The following PLET1 variants were observed in gnomAD, a reference collection of about 807,000 sequenced individuals.
PLET1 encodes the protein placenta expressed transcript 1.
A neutral mutation model predicts 18.5 loss-of-function variants in PLET1; 20 were observed. The observed-to-expected ratio is 1.08, with a 90% CI of 0.76 to 1.57. The LOEUF (loss-of-function observed/expected upper bound fraction) is 1.57. PLET1 is among the 40% of genes most tolerant of loss of function. PLET1 has a pLI of 0.00. For missense variants in PLET1, 256 were observed against 246.4 expected, an observed-to-expected ratio of 1.04 and a Z score of -0.26; for synonymous variants, 93 against 93.8, an observed-to-expected ratio of 0.99 and a Z score of 0.05.
At chr11:112,252,600 A>G (rs1860167669) in intron 2 of PLET1, among the ~76,000 whole-genome samples, 191 bp from the exon 3 acceptor site, 1 of 152,164 alleles carries the variant, frequency 6.6e-6, no homozygotes, top group African/African-American at 2.4e-5. Context: ...GTCAACTTCC[A>G]CACAGCCTCT....
chr11:112,254,776 CGCATCG>C (rs1860199686), intron 2 of PLET1, among the ~76,000 whole-genome samples: 1 of 129,598 alleles, frequency 7.7e-6, no homozygotes, highest in Admixed American at 7.8e-5. Context: ...GCGTGTGGTA[CGCATCG>C]TGTGTGTGTG....
intron 1 of PLET1, among the ~76,000 whole-genome samples, chr11:112,257,989 T>G (rs1380896093): frequency 1.3e-5 from 2 of 152,350 alleles, no homozygotes; most frequent in African/African-American, 4.8e-5. Flanking sequence ...ACCCTTGACT[T>G]AAATCATTTG....
At chr11:112,254,810 GGT>G (rs1566829098) in intron 2 of PLET1, among the ~76,000 whole-genome samples, 11 of 134,820 alleles carry the variant, frequency 8.2e-5, no homozygotes, top group African/African-American at 2.8e-4. Flanking sequence ...GTGCATGTGT[GGT>G]GTGTGTGGCA....
intron 1 of PLET1, among the ~76,000 whole-genome samples, chr11:112,257,761 G>A (rs1225960043): frequency 3.3e-5 from 5 of 152,136 alleles, no homozygotes; most frequent in African/African-American, 1.2e-4. Context: ...GACCTGCCAA[G>A]CCACTTATAC....
At chr11:112,260,286 T>G in intron 1 of PLET1, 120 bp downstream of exon 1, 5 of 995,346 alleles carry the variant, frequency 5.0e-6, no homozygotes, top group African/African-American at 1.6e-5. Flanking sequence ...TTGCTTCCCA[T>G]TTGGTTCAGA....
In PLET1 at chr11:112,248,362, C is replaced by T. The variant is rs112371319; in HGVS notation, c.*437G>A. 4.4e-3 allele frequency: 1,697 copies of T among 384,440 alleles called. 33 individuals carry two copies. The highest frequency in any genetic ancestry group is 0.031 in the African/African-American group (1,519 of 48,428). The allele number at this position is 384,440 out of a possible 1,614,324, so 23.8% of individuals were successfully genotyped here. A position where few individuals can be genotyped will look rare whatever the true frequency, so the allele number is the denominator to read the frequency against. On this transcript the variant is annotated 3_prime_UTR_variant, in exon 4 of 4. Coordinates refer to ENST00000338832, the MANE Select transcript of PLET1 (RefSeq NM_001145024.1). ...TTTCTTTCTTGAGTCACATGAGTCA[C>T]AGAAGTTCCTTGTAACCTGAATGGG...
rs71902367 is a variant in PLET1, at chr11:112,254,903, GGTGT to G, written c.386+481_386+484del. On this transcript the variant is annotated intron_variant, in intron 2 of 3. Coordinates refer to ENST00000338832, the MANE Select transcript of PLET1 (RefSeq NM_001145024.1). The stretch of plus-strand genomic sequence containing the variant: ...TGGTATGTATGTGTGTGGTGTATGT[GGTGT>G]GTGTGGGGTATGTATGTGTGTGTGC... Among the ~76,000 whole-genome samples, 3 of 137,350 alleles carry G rather than the reference GGTGT, an allele frequency of 2.2e-5. No homozygotes were observed. In the East Asian group the frequency reaches 6.9e-4, roughly 32 times the overall value. 90.1% of individuals were successfully genotyped at this position (137,350 alleles called of 152,430 possible).
At chr11:112,255,680 A>G in intron 1 of PLET1, 91 bp from the exon 2 acceptor site, 2 of 1,157,270 alleles carry the variant, frequency 1.7e-6, no homozygotes, top group South Asian at 2.7e-5. Flanking sequence ...ACAAAGCGTG[A>G]AACAAGAAAG....
At chr11:112,249,074 A>G in intron 3 of PLET1, 100 bp from the exon 4 acceptor site, 1 of 1,077,016 alleles carries the variant, frequency 9.3e-7, no homozygotes, top group East Asian at 2.6e-5. Context: ...AATCTGATGG[A>G]ATGCTAGAGC....
intron 2 of PLET1, among the ~76,000 whole-genome samples, chr11:112,254,522 ATGTATGTGTGTGGTATG>A (rs1860192613): frequency 1.0e-5 from 1 of 100,502 alleles, no homozygotes; most frequent in Admixed American, 1.0e-4. Flanking sequence ...TGTGTGTGGT[ATGTATGTGTGTGGTATG>A]TGTGTGTGTG....
At chr11:112,249,775 G>C (rs947499770) in intron 3 of PLET1, among the ~76,000 whole-genome samples, 1 of 151,892 alleles carries the variant, frequency 6.6e-6, no homozygotes, top group Non-Finnish European at 1.5e-5. Context: ...TGGCCAACAT[G>C]GTGAAACCCT....
chr11:112,255,245 C>T (rs1364499691), intron 2 of PLET1, 143 bp downstream of exon 2: 19 of 810,858 alleles, frequency 2.3e-5, no homozygotes, highest in Non-Finnish European at 3.8e-5. Flanking sequence ...TGGTAGAGCA[C>T]TGTGAGACGG....
chr11:112,260,469 A>G lies in PLET1; in HGVS notation c.121T>C (p.Tyr41His). 1 of 1,551,852 alleles carries G rather than the reference A, an allele frequency of 6.4e-7. No homozygotes were observed. The highest frequency in any genetic ancestry group is 8.7e-7 in the Non-Finnish European group (1 of 1,146,988). ...GCCTTGATGTCTAGGGTTATGGTGTAGTATTCATCAAAGGTGAAGCAGGTG... is the reference window on the plus strand; with the variant it reads ...GCCTTGATGTCTAGGGTTATGGTGTGGTATTCATCAAAGGTGAAGCAGGTG... ...SSTCFTFDEY[Y>H]TITLDIKASS... Residue 41 changes from tyrosine (Y) to histidine (H), a missense_variant, in exon 1 of 4, where the codon TAC becomes CAC. Tyr to His is a moderately conservative substitution (Grantham distance 83). Transcript: ENST00000338832.
At position 112,248,676 on chromosome 11, in the gene PLET1, G is replaced by C. The variant is rs543658476; in HGVS notation, c.*123C>G. ...TTTGTTTTGGTCTGAAGCCGTGGCA[G>C]CAAAGTTGCACATTTGAGAATGTAA... is the stretch of plus-strand genomic sequence containing the variant. On this transcript the variant is annotated 3_prime_UTR_variant, in exon 4 of 4. Coordinates refer to ENST00000338832, the MANE Select transcript of PLET1 (RefSeq NM_001145024.1). 2.0e-4 allele frequency: 229 copies of C among 1,170,328 alleles called. No homozygotes were observed. Among genetic ancestry groups the C allele is most frequent in the Middle Eastern group, 2.9e-4 (1 of 3,438 alleles). 72.5% of individuals were successfully genotyped at this position (1,170,328 alleles called of 1,614,324 possible). A position where few individuals can be genotyped will look rare whatever the true frequency, so the allele number is the denominator to read the frequency against.
intron 3 of PLET1, among the ~76,000 whole-genome samples, chr11:112,250,245 T>TTTC (rs1860141048): frequency 7.8e-6 from 1 of 127,962 alleles, no homozygotes; most frequent in Non-Finnish European, 1.6e-5. Context: ...TTTTTTTTTT[T>TTTC]CCTTTTTGGC....
intron 2 of PLET1, among the ~76,000 whole-genome samples, chr11:112,254,437 A>G (rs1860191279): frequency 7.9e-6 from 1 of 127,272 alleles, no homozygotes; most frequent in African/African-American, 3.1e-5. Flanking sequence ...TGTGTGTGGT[A>G]TGTACGTGTG....
chr11:112,249,849 C>A (rs1048679250), intron 3 of PLET1, among the ~76,000 whole-genome samples: 1 of 151,100 alleles, frequency 6.6e-6, no homozygotes, highest in East Asian at 1.9e-4. Context: ...CCCAGCTACT[C>A]AGGGGGCTGA....
At chr11:112,254,886 ATG>A (rs1325186425) in intron 2 of PLET1, among the ~76,000 whole-genome samples, 24 of 47,758 alleles carry the variant, frequency 5.0e-4, no homozygotes, top group African/African-American at 1.5e-3. Flanking sequence ...TGTGGTATGT[ATG>A]TGTGTGGTGT....
At chr11:112,252,481 C>A (rs1022362030) in intron 2 of PLET1, 72 bp from the exon 3 acceptor site, 3 of 1,323,100 alleles carry the variant, frequency 2.3e-6, no homozygotes, top group Non-Finnish European at 3.2e-6. Context: ...GCTCACATTT[C>A]GGACTTCCCC....
Sources: gnomAD v4.1 joint callset for allele counts (sites outside exome capture counted in the v4.1 genomes callset) on GRCh38, gnomAD v4.1.1 for gene constraint, MANE v1.5 for transcripts, NCBI Gene and HGNC (gene_info 2026-07-23, HGNC 2026-07-21) for gene names.